Variants in TIAM2 observed in about 807,000 individuals in gnomAD.
The protein encoded by TIAM2 is TIAM Rac1 associated GEF 2, also known as rho guanine nucleotide exchange factor TIAM2.
Under a neutral mutation model 152.9 loss-of-function variants are expected in TIAM2, and 80 were observed. That is an observed-to-expected ratio of 0.52 (90% CI 0.44 to 0.63). The LOEUF (loss-of-function observed/expected upper bound fraction) is 0.63. Among genes scored for constraint, TIAM2 ranks in the 30% least tolerant of loss-of-function variants. TIAM2 has a pLI of 0.00. For missense variants in TIAM2, 1,965 were observed against 2,120.1 expected, an observed-to-expected ratio of 0.93 and a Z score of 1.44; for synonymous variants, 804 against 838.0, an observed-to-expected ratio of 0.96 and a Z score of 0.70.
intron 1 of TIAM2, among the ~76,000 whole-genome samples, chr6:155,015,944 C>CAAAAAAAAAAAA (rs3081689): frequency 3.2e-5 from 2 of 61,836 alleles, no homozygotes; most frequent in African/African-American, 4.2e-5. Flanking sequence ...TTCAAAAAAC[C>CAAAAAAAAAAAA]AAAAAAAAAA....
intron 1 of TIAM2, among the ~76,000 whole-genome samples, chr6:155,056,982 A>G (rs1318149980): frequency 8.8e-6 from 1 of 113,726 alleles, no homozygotes; most frequent in Non-Finnish European, 1.6e-5. Flanking sequence ...GGAGTATTAG[A>G]TAGTTTGCTA....
chr6:155,251,244 T>A lies in TIAM2; in HGVS notation c.4060+223T>A, dbSNP rs368255278. Reference sequence around the variant, plus strand: ...CTGCTGCTTGGCTCAGGCCAAGTGTTACAGGAACAGATCCCTGCGGCTATT... The same window carrying A: ...CTGCTGCTTGGCTCAGGCCAAGTGTAACAGGAACAGATCCCTGCGGCTATT... On this transcript the variant is annotated intron_variant, in intron 22 of 26. Transcript: ENST00000682666. Among the ~76,000 whole-genome samples, 11 of 152,338 alleles carry A rather than the reference T, an allele frequency of 7.2e-5. No individual in the cohort carries two copies. In the East Asian group the frequency reaches 1.5e-3, roughly 21 times the overall value.
In TIAM2 at chr6:155,171,547, TA is replaced by T. The variant is rs535148253; in HGVS notation, c.2362-5266del. Among the ~76,000 whole-genome samples the T allele has an allele frequency of 2.5e-3, 380 of 150,812 alleles. 1 individual carries two copies. The highest frequency in any genetic ancestry group is 8.6e-3 in the African/African-American group (355 of 41,126). On this transcript the variant is annotated intron_variant, in intron 9 of 26. Transcript: ENST00000682666. ...GTATTGTCATCTTAGTCATGAGCTG[TA>T]AACTGAAAAAAAAACCTAAAAAACC...
At chr6:155,012,201 GT>G (rs1778501415) in intron 1 of TIAM2, among the ~76,000 whole-genome samples, 2 of 152,042 alleles carry the variant, frequency 1.3e-5, no homozygotes, top group African/African-American at 4.8e-5. Flanking sequence ...TTCAAACCTT[GT>G]TTTTCTCCAC....
chr6:155,111,878 G>A (rs1583196022), intron 2 of TIAM2, among the ~76,000 whole-genome samples: 1 of 152,192 alleles, frequency 6.6e-6, no homozygotes, highest in African/African-American at 2.4e-5. Flanking sequence ...CTTTGAATGA[G>A]CTGTCCCTAT....
Position 155,179,462 on chromosome 6 carries a change from T to G in TIAM2, c.2707+6T>G. The stretch of plus-strand genomic sequence containing the variant: ...TGGGAGTGTGTGTGACTTTGGTGAG[T>G]GTAAGGAATGCCCCTTTCAGGGAAT... On this transcript the variant is annotated splice_donor_region_variant and intron_variant, in intron 12 of 26. Coordinates refer to ENST00000682666, the MANE Select transcript of TIAM2 (RefSeq NM_012454.4). The G allele has an allele frequency of 6.2e-7, 1 of 1,601,366 alleles. No individual in the cohort carries two copies. Among genetic ancestry groups the G allele is most frequent in the East Asian group, 2.2e-5 (1 of 44,656 alleles).
chr6:155,132,866 G>A lies in TIAM2; in HGVS notation c.1194+2449G>A, dbSNP rs1380345713. On this transcript the variant is annotated intron_variant, in intron 4 of 26. Transcript: ENST00000682666. ...ACGCGGCTCTAGTGAGCTGCATTCAGTGACAGTTCCCACTTGGTTCAGATG... is the reference window on the plus strand; with the variant it reads ...ACGCGGCTCTAGTGAGCTGCATTCAATGACAGTTCCCACTTGGTTCAGATG... Among the ~76,000 whole-genome samples the A allele has an allele frequency of 4.6e-5, 7 of 152,326 alleles. No individual in the cohort carries two copies. In the East Asian group the frequency reaches 1.4e-3, roughly 29 times the overall value.
At chr6:155,029,078 C>CTA (rs201915971) in intron 1 of TIAM2, among the ~76,000 whole-genome samples, 624 of 45,610 alleles carry the variant, frequency 0.014, 224 homozygotes, top group African/African-American at 0.074. Flanking sequence ...ACTATATATA[C>CTA]TGTTATATAT....
intron 2 of TIAM2, among the ~76,000 whole-genome samples, chr6:155,119,003 T>C (rs1192567928): frequency 6.6e-6 from 1 of 151,842 alleles, no homozygotes; most frequent in Admixed American, 6.6e-5. Flanking sequence ...GTGTTTGCCT[T>C]GGACAATGAC....
chr6:155,197,734 G>T (rs1781380265), intron 14 of TIAM2, among the ~76,000 whole-genome samples: 2 of 152,066 alleles, frequency 1.3e-5, no homozygotes, highest in South Asian at 4.2e-4. Flanking sequence ...CGACCAAAAG[G>T]GGGAAAGCCC....
chr6:155,078,720 G>A (rs535697828), intron 1 of TIAM2, among the ~76,000 whole-genome samples: 26 of 152,186 alleles, frequency 1.7e-4, no homozygotes, highest in Non-Finnish European at 2.6e-4. Context: ...AATCTTTCCT[G>A]CTCCCAGTCT....
intron 7 of TIAM2, among the ~76,000 whole-genome samples, chr6:155,159,690 G>A (rs959398521): frequency 2.0e-5 from 3 of 152,116 alleles, no homozygotes; most frequent in East Asian, 3.8e-4. Context: ...TCTGAATCAG[G>A]GGCCTCACCG....
chr6:155,178,375 A>G (rs1780810586), intron 10 of TIAM2, among the ~76,000 whole-genome samples: 1 of 152,122 alleles, frequency 6.6e-6, no homozygotes. Flanking sequence ...GTACTTTAGT[A>G]ATGAGAAACA....
At position 155,129,139 on chromosome 6, in the gene TIAM2, G is replaced by C. The variant is rs887475454; in HGVS notation, c.-6-79G>C. 23 of 1,332,360 alleles carry C rather than the reference G, an allele frequency of 1.7e-5. No individual in the cohort carries two copies. The highest frequency in any genetic ancestry group is 2.3e-5 in the Non-Finnish European group (22 of 962,416). 82.5% of individuals were successfully genotyped at this position (1,332,360 alleles called of 1,614,324 possible). A position where few individuals can be genotyped will look rare whatever the true frequency, so the allele number is the denominator to read the frequency against. ...CTGAAGTTGCTGTGTAATATGCAGG[G>C]CATTCTTTTTAGAAAGTTCTGTCAT... On this transcript the variant is annotated intron_variant, in intron 3 of 26. Coordinates refer to ENST00000682666, the MANE Select transcript of TIAM2 (RefSeq NM_012454.4). This position sits in a 1 kb window ranked among gnomAD's most constrained non-coding sequence, Gnocchi z 4.8.
intron 9 of TIAM2, among the ~76,000 whole-genome samples, chr6:155,172,630 G>T (rs1780611709): frequency 9.4e-6 from 1 of 106,416 alleles, no homozygotes; most frequent in Non-Finnish European, 1.9e-5. Flanking sequence ...ACCTTGAAGA[G>T]GCTAGTTGGA....
chr6:155,036,980 C>T (rs887645461), intron 1 of TIAM2, among the ~76,000 whole-genome samples: 1 of 152,118 alleles, frequency 6.6e-6, no homozygotes, highest in South Asian at 2.1e-4. Flanking sequence ...CAGGGAATTT[C>T]GCCTTTGTCC....
chr6:155,116,578 T>C (rs1779017656), intron 2 of TIAM2, among the ~76,000 whole-genome samples: 1 of 152,140 alleles, frequency 6.6e-6, no homozygotes, highest in African/African-American at 2.4e-5. Flanking sequence ...ACAATGACCG[T>C]GGTAGATTTT....
intron 1 of TIAM2, among the ~76,000 whole-genome samples, chr6:155,035,644 A>T (rs1199934697): frequency 6.6e-6 from 1 of 152,210 alleles, no homozygotes; most frequent in Non-Finnish European, 1.5e-5. Flanking sequence ...AATGTAACTT[A>T]GCCTCTTTTT....
intron 15 of TIAM2, among the ~76,000 whole-genome samples, chr6:155,226,724 TA>T (rs967116074): frequency 8.5e-5 from 13 of 152,116 alleles, no homozygotes; most frequent in Non-Finnish European, 1.9e-4. Context: ...TTTAAATGCT[TA>T]AAAAAATCTT....
Sources: gnomAD v4.1 joint callset for allele counts (sites outside exome capture counted in the v4.1 genomes callset) on GRCh38, gnomAD v4.1.1 for gene constraint, Gnocchi (gnomAD v3.1) non-coding constraint, MANE v1.5 for transcripts, NCBI Gene and HGNC (gene_info 2026-07-23, HGNC 2026-07-21) for gene names.